The following KMT2E variants were observed in gnomAD, a reference collection of about 807,000 sequenced individuals.
The protein encoded by KMT2E is histone reader KMT2E.
Under a neutral mutation model 184.6 loss-of-function variants are expected in KMT2E, and 30 were observed. The ratio of observed to expected loss-of-function variants is 0.16; its 90% confidence interval spans 0.12 to 0.22. KMT2E has a LOEUF of 0.22. KMT2E is among the 10% of genes least tolerant of loss of function. The pLI, the probability that KMT2E is intolerant of heterozygous loss-of-function variation, is 1.00. For synonymous variants in KMT2E, 815 were observed against 776.5 expected (o/e 1.05, Z -0.82); for missense variants, 2,023 against 2,237.4 (o/e 0.90, Z 1.93).
intron 1 of KMT2E, among the ~76,000 whole-genome samples, chr7:105,016,637 T>G (rs1254735917): frequency 1.3e-5 from 2 of 152,210 alleles, no homozygotes; most frequent in Admixed American, 1.3e-4. Flanking sequence ...GAGTTCTTTT[T>G]GGGTTGAACT....
intron 23 of KMT2E, 152 bp from the exon 24 acceptor site, chr7:105,110,128 C>T (rs1266842797): frequency 4.8e-5 from 32 of 661,798 alleles, no homozygotes; most frequent in Non-Finnish European, 7.3e-5. Context: ...CCACTGTGCC[C>T]TGCCAAGATT....
intron 13 of KMT2E, among the ~76,000 whole-genome samples, chr7:105,085,989 T>C (rs1033391280): frequency 6.6e-6 from 1 of 152,218 alleles, no homozygotes; most frequent in African/African-American, 2.4e-5. Flanking sequence ...TTGATTTCTT[T>C]AACATTTTAC....
At chr7:105,038,392 C>G (rs959974010) in intron 2 of KMT2E, 193 bp downstream of exon 2, 1 of 150,380 alleles carries the variant, frequency 6.6e-6, no homozygotes, top group African/African-American at 2.5e-5. Context: ...GAGACGGAGT[C>G]TCGCTCTGTC....
At chr7:105,096,365 A>G (rs1232277022) in intron 15 of KMT2E, among the ~76,000 whole-genome samples, 1 of 151,934 alleles carries the variant, frequency 6.6e-6, no homozygotes, top group African/African-American at 2.4e-5. Context: ...CTCATAATGT[A>G]CTTTGGGAAT....
At chr7:105,110,905 T>C in intron 26 of KMT2E, 37 bp downstream of exon 26, 1 of 1,453,212 alleles carries the variant, frequency 6.9e-7, no homozygotes, top group Non-Finnish European at 9.7e-7. Context: ...TCCAAAGGAC[T>C]TTAGGTTGAG....
intron 13 of KMT2E, among the ~76,000 whole-genome samples, chr7:105,082,303 C>T (rs1797787368): frequency 6.6e-6 from 1 of 152,144 alleles, no homozygotes; most frequent in African/African-American, 2.4e-5. Context: ...GGCCCTTGCA[C>T]AATGCGGGGT....
chr7:105,049,082 A>G (rs929080318), intron 3 of KMT2E, among the ~76,000 whole-genome samples: 1 of 152,202 alleles, frequency 6.6e-6, no homozygotes, highest in Non-Finnish European at 1.5e-5. Context: ...GTAATAGACC[A>G]AGGGAAGAAT....
intron 11 of KMT2E, among the ~76,000 whole-genome samples, chr7:105,078,340 T>G (rs1401622433): frequency 6.6e-6 from 1 of 152,206 alleles, no homozygotes; most frequent in African/African-American, 2.4e-5. Context: ...AAAAATCTCA[T>G]TAGCATAAAC....
chr7:105,046,170 C>T (rs1462062855), intron 3 of KMT2E, among the ~76,000 whole-genome samples: 1 of 152,122 alleles, frequency 6.6e-6, no homozygotes, highest in Non-Finnish European at 1.5e-5. Context: ...TCTCTTCTTT[C>T]CCTCGTCCTC....
intron 12 of KMT2E, among the ~76,000 whole-genome samples, chr7:105,079,322 G>A (rs1317540446): frequency 2.0e-5 from 3 of 151,482 alleles, no homozygotes; most frequent in East Asian, 2.0e-4. Context: ...TTTTAGTAGG[G>A]ACGGGGTTTC....
chr7:105,041,220 A>ATAT (rs1367638719), intron 3 of KMT2E, among the ~76,000 whole-genome samples, 197 bp downstream of exon 3: 2 of 151,928 alleles, frequency 1.3e-5, no homozygotes, highest in African/African-American at 4.8e-5. Context: ...TTCCTTTTAA[A>ATAT]TAGCATTACC....
At chr7:105,111,099 G>A (rs1457239449) in intron 26 of KMT2E, 1 of 479,044 alleles carries the variant, frequency 2.1e-6, no homozygotes, top group African/African-American at 2.0e-5. Flanking sequence ...CACTTCAACA[G>A]CTTACATTTT....
chr7:105,037,114 A>G (rs1288398791), intron 1 of KMT2E, among the ~76,000 whole-genome samples: 4 of 152,208 alleles, frequency 2.6e-5, no homozygotes, highest in Admixed American at 6.5e-5. Flanking sequence ...TTAGTAATTA[A>G]GCCAAAAATT....
intron 3 of KMT2E, among the ~76,000 whole-genome samples, chr7:105,055,466 T>G (rs1264773786): frequency 6.6e-6 from 1 of 152,216 alleles, no homozygotes. Flanking sequence ...CTCCACTCCT[T>G]TAACTGTTCT....
intron 5 of KMT2E, among the ~76,000 whole-genome samples, chr7:105,065,037 T>C (rs1256134324): frequency 6.6e-6 from 1 of 152,206 alleles, no homozygotes; most frequent in Admixed American, 6.5e-5. Flanking sequence ...CTACAAATTA[T>C]TGAAGGACCA....
At chr7:105,048,650 G>A (rs1796205287) in intron 3 of KMT2E, among the ~76,000 whole-genome samples, 1 of 152,264 alleles carries the variant, frequency 6.6e-6, no homozygotes, top group East Asian at 1.9e-4. Flanking sequence ...TTTAGAGCAA[G>A]GATCAGCAGA....
rs1185125602 is a variant in KMT2E at position 105,066,827 on chromosome 7, T to A, written c.497+20T>A. ...GCCTAGGTAAGTTGCACATATCTGA[T>A]AACATTGCCAGTAATTTTACTGAGG... On this transcript the variant is annotated intron_variant, in intron 6 of 26. Coordinates refer to ENST00000311117, the MANE Select transcript of KMT2E (RefSeq NM_182931.3). The A allele has an allele frequency of 2.6e-6, 4 of 1,509,784 alleles. No individual in the cohort carries two copies. In the East Asian group the frequency reaches 9.0e-5, roughly 34 times the overall value. 93.5% of individuals were successfully genotyped at this position (1,509,784 alleles called of 1,614,324 possible).
chr7:105,055,518 C>T (rs1346460137), intron 3 of KMT2E, among the ~76,000 whole-genome samples: 2 of 152,286 alleles, frequency 1.3e-5, no homozygotes, highest in Middle Eastern at 3.4e-3. Context: ...TCGTAAACTT[C>T]AGTGAACATA....
chr7:105,082,565 C>T lies in KMT2E; in HGVS notation c.1358+768C>T, dbSNP rs953400603. ...GGATTATCGTAAAGGTCTTCATCCT[C>T]ATCTTCATGTTGAGTAGGCTGAGGA... On this transcript the variant is annotated intron_variant, in intron 13 of 26. Transcript: ENST00000311117. Among the ~76,000 whole-genome samples, 7 of 152,192 alleles carry T rather than the reference C, an allele frequency of 4.6e-5. No individual in the cohort carries two copies. In the East Asian group the frequency reaches 1.2e-3, roughly 25 times the overall value.
Sources: allele counts gnomAD v4.1 joint callset (sites outside exome capture counted in the v4.1 genomes callset), GRCh38; gene constraint gnomAD v4.1.1; transcripts MANE v1.5; gene names NCBI Gene and HGNC (gene_info 2026-07-23, HGNC 2026-07-21).